The following TMEM131 variants were observed in gnomAD, a reference collection of about 807,000 sequenced individuals.
The protein encoded by TMEM131 is 2610524E03Rik.
In TMEM131, 66 loss-of-function variants were observed where a neutral mutation model predicts 211.6. That is an observed-to-expected ratio of 0.31 (90% confidence interval 0.26 to 0.38). The LOEUF (loss-of-function observed/expected upper bound fraction) is 0.38. Ranked by LOEUF, TMEM131 falls within the 10% of genes least tolerant of loss-of-function variation. The pLI, the probability that TMEM131 is intolerant of heterozygous loss-of-function variation, is 1.00. For missense variants in TMEM131, 2,036 were observed against 2,299.3 expected (o/e 0.89, Z 2.34); for synonymous variants, 844 against 841.3 (o/e 1.00, Z -0.06).
intron 5 of TMEM131, among the ~76,000 whole-genome samples, chr2:97,855,885 T>C (rs1288586544): frequency 6.6e-6 from 1 of 152,156 alleles, no homozygotes; most frequent in Non-Finnish European, 1.5e-5. Flanking sequence ...ATGGAATCAA[T>C]AGAATAATGT....
At position 97,860,753 on chromosome 2, in the gene TMEM131, C is replaced by T. The variant is rs77287308; in HGVS notation, c.360-1326G>A. Among the ~76,000 whole-genome samples the T allele has an allele frequency of 1.8e-3, 277 of 152,280 alleles. 8 individuals are homozygous for T. The East Asian group carries it at 0.05, about 28-fold the overall frequency. On this transcript the variant is annotated intron_variant, in intron 4 of 40. Coordinates refer to ENST00000186436, the MANE Select transcript of TMEM131 (RefSeq NM_015348.2). ...GGCTCCACCTTCATTGTCCCTTCTC[C>T]CCACAGAAATACTAAATTTAACAAC...
chr2:97,831,233 G>A (rs1373340519), intron 11 of TMEM131, among the ~76,000 whole-genome samples: 1 of 152,186 alleles, frequency 6.6e-6, no homozygotes, highest in African/African-American at 2.4e-5. Context: ...TAAATCAGAT[G>A]ATGTCACTCT....
At position 97,757,108 on chromosome 2, in the gene TMEM131, G is replaced by T; in HGVS notation, c.5643C>A (p.His1881Gln). 4 of 1,592,524 alleles carry T rather than the reference G, an allele frequency of 2.5e-6. No individual in the cohort carries two copies. Among genetic ancestry groups the T allele is most frequent in the Non-Finnish European group, 3.4e-6 (4 of 1,166,302 alleles). Residue 1881 changes from histidine (H) to glutamine (Q), a missense_variant, in exon 41 of 41, where the codon CAC becomes CAA. This residue lies in a region of TMEM131 where 1,623 missense variants were observed against 1,805.9 expected (regional missense o/e 0.90). Transcript: ENST00000186436. ...SDPWSNSHFP[H>Q]EN ...TTGTTTTTTGCTTAATTTAATTCTC[G>T]TGAGGAAAGTGCGAATTAGACCAAG... is the stretch of plus-strand genomic sequence containing the variant.
intron 4 of TMEM131, among the ~76,000 whole-genome samples, chr2:97,884,014 T>C (rs531876031): frequency 6.6e-6 from 1 of 151,768 alleles, no homozygotes; most frequent in Non-Finnish European, 1.5e-5. Context: ...CATCATTAGG[T>C]TGTTTATTTG....
Position 97,943,063 on chromosome 2 carries a change from AAGAAAGAAAGAAAGAAAGAAAG to A in TMEM131, c.188-15598_188-15577del, listed in dbSNP as rs1487179233. On this transcript the variant is annotated intron_variant, in intron 1 of 40. Coordinates refer to ENST00000186436, the MANE Select transcript of TMEM131 (RefSeq NM_015348.2). Reference sequence around the variant, plus strand: ...AAAGAAAGAAAGAAAGAAAGAAAGAAAGAAAGAAAGAAAGAAAGAAAGAAAGAAAGAAAGAAAGAGCTGGGTG... The same window carrying A: ...AAAGAAAGAAAGAAAGAAAGAAAGAAAAAGAAAGAAAGAAAGAGCTGGGTG... 4.0e-4 allele frequency among the ~76,000 whole-genome samples: 38 copies of A among 94,172 alleles called. 2 individuals carry two copies. In the East Asian group the frequency reaches 6.5e-3, roughly 16 times the overall value. The allele number at this position is 94,172 out of a possible 152,430, so 61.8% of individuals were successfully genotyped here.
chr2:97,810,372 G>C (rs1467702448), intron 18 of TMEM131, among the ~76,000 whole-genome samples: 1 of 152,112 alleles, frequency 6.6e-6, no homozygotes, highest in Non-Finnish European at 1.5e-5. Flanking sequence ...TTTCTGTCAT[G>C]AGTGATAACC....
rs182168881 is a variant in TMEM131, at chr2:97,811,054, G to C, written c.1968+74C>G. 1.2e-4 allele frequency: 128 copies of C among 1,043,556 alleles called. No individual in the cohort carries two copies. In the African/African-American group the frequency reaches 1.9e-3, roughly 15 times the overall value. The allele number at this position is 1,043,556 out of a possible 1,614,324, so 64.6% of individuals were successfully genotyped here. On this transcript the variant is annotated intron_variant, in intron 18 of 40. Transcript: ENST00000186436. ...TAACTCTGAGTAAACTTAATTCTTT[G>C]GTTTCATAAAGACAAGAAAGGACTG...
rs937357258 is a variant in TMEM131 at position 97,815,208 on chromosome 2, A to G, written c.1283T>C (p.Val428Ala). The change falls in exon 13 of 41, where the codon GTT becomes GCT. Residue 428 changes from valine to alanine, a missense_variant. By Grantham distance (64) the Val-to-Ala change is moderately conservative. This residue lies in a region of TMEM131 where 1,623 missense variants were observed against 1,805.9 expected (regional missense o/e 0.90). Coordinates refer to ENST00000186436, the MANE Select transcript of TMEM131 (RefSeq NM_015348.2). ...TTAAAAAGAAACTCACCCATCTAAAACTTCTGCTTGATATGGTATTTCAAG... is the reference window on the plus strand; with the variant it reads ...TTAAAAAGAAACTCACCCATCTAAAGCTTCTGCTTGATATGGTATTTCAAG... ...SKLEIPYQAE[V>A]LDGYLGFDHA... 6.6e-7 allele frequency: 1 copy of G among 1,522,530 alleles called. No homozygotes were observed. The highest frequency in any genetic ancestry group is 8.8e-7 in the Non-Finnish European group (1 of 1,138,966). 94.3% of individuals were successfully genotyped at this position (1,522,530 alleles called of 1,614,324 possible). A position where few individuals can be genotyped will look rare whatever the true frequency, so the allele number is the denominator to read the frequency against.
chr2:97,931,909 G>C (rs892101127), intron 1 of TMEM131, among the ~76,000 whole-genome samples: 3 of 152,124 alleles, frequency 2.0e-5, no homozygotes, highest in African/African-American at 7.2e-5. Flanking sequence ...TGGCTTCTCA[G>C]AGCAGCCCAG....
At chr2:97,914,553 G>T (rs1188044970) in intron 2 of TMEM131, among the ~76,000 whole-genome samples, 2 of 152,040 alleles carry the variant, frequency 1.3e-5, no homozygotes, top group African/African-American at 4.8e-5. Context: ...TTCCCCCCAA[G>T]CCCTGGCAAC....
chr2:97,957,605 T>C (rs1051729308), intron 1 of TMEM131, among the ~76,000 whole-genome samples: 7 of 151,674 alleles, frequency 4.6e-5, no homozygotes, highest in African/African-American at 1.7e-4. Flanking sequence ...AAACCTAAAC[T>C]TAAAAAAAGA....
chr2:97,894,852 T>A (rs539866869), intron 3 of TMEM131, among the ~76,000 whole-genome samples: 16 of 152,210 alleles, frequency 1.1e-4, no homozygotes, highest in Non-Finnish European at 1.5e-4. Context: ...CCTATTTGAA[T>A]ACTCTTTATT....
At chr2:97,904,103 G>A (rs939569886) in intron 3 of TMEM131, among the ~76,000 whole-genome samples, 1 of 152,086 alleles carries the variant, frequency 6.6e-6, no homozygotes, top group Non-Finnish European at 1.5e-5. Flanking sequence ...CTGAACCCTG[G>A]ACCCCAAATT....
intron 3 of TMEM131, among the ~76,000 whole-genome samples, chr2:97,893,507 A>T (rs1013432478): frequency 2.0e-5 from 3 of 152,228 alleles, no homozygotes; most frequent in African/African-American, 7.2e-5. Context: ...CACTCCCACC[A>T]ACAGCGTAAA....
At position 97,756,977 on chromosome 2, in the gene TMEM131, T is replaced by C; in HGVS notation, c.*122A>G. ...TCTGAGCCTGCCCTGCTTGGGTCTG[T>C]TTTGCAAAGAAGAGGAGGGTGGGGA... On this transcript the variant is annotated 3_prime_UTR_variant, in exon 41 of 41. Coordinates refer to ENST00000186436, the MANE Select transcript of TMEM131 (RefSeq NM_015348.2). 7.9e-7 allele frequency: 1 copy of C among 1,259,200 alleles called. No individual in the cohort carries two copies. The highest frequency in any genetic ancestry group is 1.5e-5 in the African/African-American group (1 of 66,210). 78.0% of individuals were successfully genotyped at this position (1,259,200 alleles called of 1,614,324 possible).
chr2:97,819,687 G>C (rs1238613383), intron 11 of TMEM131, among the ~76,000 whole-genome samples: 1 of 152,144 alleles, frequency 6.6e-6, no homozygotes, highest in African/African-American at 2.4e-5. Flanking sequence ...GAACCCTCGT[G>C]GGTTGTATTT....
In TMEM131 at chr2:97,866,861, T is replaced by C. The variant is rs866599240; in HGVS notation, c.360-7434A>G. Among the ~76,000 whole-genome samples the C allele has an allele frequency of 1.2e-4, 19 of 152,338 alleles. No homozygotes were observed. The Middle Eastern group carries it at 0.01, about 82-fold the overall frequency. On this transcript the variant is annotated intron_variant, in intron 4 of 40. Coordinates refer to ENST00000186436, the MANE Select transcript of TMEM131 (RefSeq NM_015348.2). ...GGACGAGTATCCCTCTTACCTGAAATGCTTGGAACCATGAGTGTTTTGAAT... is the reference window on the plus strand; with the variant it reads ...GGACGAGTATCCCTCTTACCTGAAACGCTTGGAACCATGAGTGTTTTGAAT...
intron 12 of TMEM131, among the ~76,000 whole-genome samples, chr2:97,816,289 C>T (rs1183818588): frequency 3.3e-5 from 5 of 151,864 alleles, no homozygotes; most frequent in East Asian, 1.9e-4. Flanking sequence ...TGCAGTGAGC[C>T]GAGATTGCGC....
At chr2:97,846,303 G>A (rs765840847) in intron 5 of TMEM131, among the ~76,000 whole-genome samples, 7 of 152,138 alleles carry the variant, frequency 4.6e-5, no homozygotes, top group Non-Finnish European at 7.4e-5. Context: ...CACAAAGTAC[G>A]GCAAACTGAA....
Sources: gnomAD v4.1 joint callset for allele counts (sites outside exome capture counted in the v4.1 genomes callset) on GRCh38, gnomAD v4.1.1 for gene constraint, gnomAD v4.1.1 regional missense constraint, MANE v1.5 for transcripts, NCBI Gene and HGNC (gene_info 2026-07-23, HGNC 2026-07-21) for gene names.